The following MAST4 variants were observed in gnomAD, a reference collection of about 807,000 sequenced individuals.
MAST4 encodes microtubule-associated serine/threonine-protein kinase 4.
A neutral mutation model predicts 162.7 loss-of-function variants in MAST4; 89 were observed. The observed-to-expected ratio is 0.55, with a 90% confidence interval of 0.46 to 0.65. The LOEUF (loss-of-function observed/expected upper bound fraction) is 0.65. Among genes scored for constraint, MAST4 ranks in the 30% least tolerant of loss-of-function variants. MAST4 has a pLI of 0.00. For synonymous variants in MAST4, 1,479 were observed against 1,361.1 expected (o/e 1.09, Z -1.91); for missense variants, 3,153 against 3,374.0 (o/e 0.93, Z 1.62).
At position 67,136,645 on chromosome 5, in the gene MAST4, C is replaced by T. The variant is rs1176213781; in HGVS notation, c.2475C>T (p.Pro825=). 1.3e-6 allele frequency: 2 copies of T among 1,599,730 alleles called. No individual in the cohort carries two copies. The change falls in exon 19 of 29, where the codon CCC becomes CCT. Residue 825 remains proline (P), a synonymous_variant. Transcript: ENST00000403625. ...TTACCTTACTCCTCAGGCAGAATCCCCTGGAGAGGCTGGGAACAGGTTAGA... is the reference window on the plus strand; with the variant it reads ...TTACCTTACTCCTCAGGCAGAATCCTCTGGAGAGGCTGGGAACAGGTTAGA... ...DLITLLLRQN[P]LERLGTGGAY... is the part of the protein sequence containing the mutation.
intron 11 of MAST4, 108 bp from the exon 12 acceptor site, chr5:67,113,979 C>T: frequency 1.6e-6 from 2 of 1,251,026 alleles, no homozygotes; most frequent in African/African-American, 1.5e-5. Context: ...GCATAAGTAA[C>T]TTACAGCCAT....
chr5:66,794,399 G>C (rs1382891774), intron 3 of MAST4, among the ~76,000 whole-genome samples: 2 of 152,124 alleles, frequency 1.3e-5, no homozygotes, highest in East Asian at 1.9e-4. Flanking sequence ...TTAAATGAAT[G>C]AACTCTTGTA....
chr5:66,746,656 G>A (rs1752776841), intron 1 of MAST4, among the ~76,000 whole-genome samples: 1 of 152,140 alleles, frequency 6.6e-6, no homozygotes, highest in African/African-American at 2.4e-5. Context: ...TGCTTGTTAA[G>A]CATGGTCAGA....
intron 1 of MAST4, among the ~76,000 whole-genome samples, chr5:66,603,586 A>T (rs1005930380): frequency 1.3e-5 from 2 of 152,256 alleles, no homozygotes; most frequent in African/African-American, 4.8e-5. Context: ...CCAACTTCTC[A>T]GAGGGGAAAT....
At chr5:66,600,038 T>A (rs1486360510) in intron 1 of MAST4, among the ~76,000 whole-genome samples, 4 of 152,216 alleles carry the variant, frequency 2.6e-5, no homozygotes, top group Non-Finnish European at 5.9e-5. Flanking sequence ...TTGTTAAAAC[T>A]GTTTTGAATG....
chr5:66,898,711 A>G (rs1037502596), intron 3 of MAST4, among the ~76,000 whole-genome samples: 1 of 152,238 alleles, frequency 6.6e-6, no homozygotes, highest in Non-Finnish European at 1.5e-5. Context: ...CATTCCTAAA[A>G]TTGCTGATTG....
chr5:67,073,040 C>T (rs889993796), intron 5 of MAST4, among the ~76,000 whole-genome samples: 11 of 152,250 alleles, frequency 7.2e-5, no homozygotes, highest in African/African-American at 2.4e-4. Context: ...TAACTGTTTT[C>T]TTTATTGCAA....
At chr5:66,872,494 A>G (rs1761013342) in intron 3 of MAST4, among the ~76,000 whole-genome samples, 1 of 152,218 alleles carries the variant, frequency 6.6e-6, no homozygotes, top group East Asian at 1.9e-4. Context: ...ATCCATAAAT[A>G]TATTACATTT....
At chr5:66,862,007 C>T (rs1760156458) in intron 3 of MAST4, among the ~76,000 whole-genome samples, 1 of 152,168 alleles carries the variant, frequency 6.6e-6, no homozygotes, top group African/African-American at 2.4e-5. Flanking sequence ...TATCCTACCC[C>T]AATCCGCAAA....
At chr5:66,952,964 A>G (rs1408204719) in intron 4 of MAST4, among the ~76,000 whole-genome samples, 3 of 152,220 alleles carry the variant, frequency 2.0e-5, no homozygotes, top group African/African-American at 7.2e-5. Context: ...TGGAGACTCT[A>G]TAGATGTACC....
In MAST4 at chr5:66,774,339, G is replaced by A. The variant is rs1473749626; in HGVS notation, c.518-14331G>A. Among the ~76,000 whole-genome samples the A allele has an allele frequency of 9.2e-5, 14 of 152,336 alleles. No homozygotes were observed. In the East Asian group the frequency reaches 2.7e-3, roughly 29 times the overall value. ...TGCTCCATTTTGCTAGCTTTTGGCT[G>A]CAGTGGCGTATACGTAAATAACAGT... On this transcript the variant is annotated intron_variant, in intron 2 of 28. Transcript: ENST00000403625.
At chr5:66,919,953 C>T (rs867542211) in intron 4 of MAST4, among the ~76,000 whole-genome samples, 1,298 of 51,062 alleles carry the variant, frequency 0.025, 26 homozygotes, top group African/African-American at 0.052. Flanking sequence ...TCCTTCCTTC[C>T]TTCCTTCCTT....
intron 3 of MAST4, among the ~76,000 whole-genome samples, chr5:66,822,469 A>G (rs1757041633): frequency 6.6e-6 from 1 of 152,218 alleles, no homozygotes; most frequent in African/African-American, 2.4e-5. Flanking sequence ...ACTTGATTGT[A>G]AATAAATGTG....
intron 3 of MAST4, among the ~76,000 whole-genome samples, chr5:66,805,191 T>G (rs1756127041): frequency 6.6e-6 from 1 of 152,220 alleles, no homozygotes; most frequent in African/African-American, 2.4e-5. Flanking sequence ...TTCTTCCTCT[T>G]TTTCCAGAGA....
intron 4 of MAST4, among the ~76,000 whole-genome samples, chr5:66,962,753 A>G (rs16875299): frequency 0.11 from 16,122 of 152,230 alleles, 1,113 homozygotes; most frequent in African/African-American, 0.19. Flanking sequence ...GCACTATAGC[A>G]GGAGTTTCTA....
chr5:66,758,759 G>C (rs1284022428), intron 1 of MAST4, among the ~76,000 whole-genome samples: 1 of 152,130 alleles, frequency 6.6e-6, no homozygotes. Flanking sequence ...CAGTGAAGCG[G>C]CTCTTAAAAT....
intron 4 of MAST4, among the ~76,000 whole-genome samples, chr5:67,024,543 G>A (rs866985656): frequency 6.6e-6 from 1 of 151,752 alleles, no homozygotes; most frequent in Non-Finnish European, 1.5e-5. Context: ...AAAGGATTGC[G>A]TTATCTTCAT....
chr5:66,713,132 T>C (rs1366944106), intron 1 of MAST4, among the ~76,000 whole-genome samples: 1 of 152,176 alleles, frequency 6.6e-6, no homozygotes, highest in Non-Finnish European at 1.5e-5. Context: ...TTTCTTTTGG[T>C]CTTTGTTTTT....
At chr5:66,915,770 C>G (rs1284013740) in intron 4 of MAST4, among the ~76,000 whole-genome samples, 1 of 152,106 alleles carries the variant, frequency 6.6e-6, no homozygotes, top group Non-Finnish European at 1.5e-5. Context: ...ACTGCTGTCT[C>G]AGGGACACAG....
Sources: gnomAD v4.1 joint callset for allele counts (sites outside exome capture counted in the v4.1 genomes callset) on GRCh38, gnomAD v4.1.1 for gene constraint, MANE v1.5 for transcripts, NCBI Gene and HGNC (gene_info 2026-07-23, HGNC 2026-07-21) for gene names.